Variants in SVOPL observed in about 807,000 individuals in gnomAD.
The protein encoded by SVOPL is putative transporter SVOPL.
A neutral mutation model predicts 61.0 loss-of-function variants in SVOPL; 60 were observed. That is an observed-to-expected ratio of 0.98 (90% CI 0.80 to 1.22). The LOEUF (loss-of-function observed/expected upper bound fraction) is 1.22, where lower values mean the gene tolerates loss of function less well. Among genes scored for constraint, SVOPL ranks in the 50% most tolerant of loss-of-function variants. SVOPL has a pLI of 0.00. For missense variants in SVOPL, 662 were observed against 643.9 expected (o/e 1.03, Z -0.30); for synonymous variants, 279 against 250.0 (o/e 1.12, Z -1.09).
intron 3 of SVOPL, among the ~76,000 whole-genome samples, chr7:138,674,486 T>C (rs1324065306): frequency 6.6e-6 from 1 of 151,850 alleles, no homozygotes; most frequent in Non-Finnish European, 1.5e-5. Flanking sequence ...AGTTCTGTCT[T>C]CCTTTGTGAG....
At chr7:138,634,183 T>C (rs755702109) in intron 9 of SVOPL, among the ~76,000 whole-genome samples, 1 of 152,194 alleles carries the variant, frequency 6.6e-6, no homozygotes, top group Non-Finnish European at 1.5e-5. Flanking sequence ...TCTATTATCC[T>C]TGGATCCTGT....
At chr7:138,682,968 C>CAAAAAAAAAAAAA (rs762982090) in intron 1 of SVOPL, among the ~76,000 whole-genome samples, 1 of 95,402 alleles carries the variant, frequency 1.0e-5, no homozygotes, top group Non-Finnish European at 2.2e-5. Context: ...AACTCCATCT[C>CAAAAAAAAAAAAA]AAAAAAAAAA....
chr7:138,602,473 A>G lies in SVOPL; in HGVS notation c.1354-5943T>C, dbSNP rs1420240406. ...TATATATATATATATATATATATAT[A>G]TATGTAGATGTGTGTGTTTATACAC... On this transcript the variant is annotated intron_variant, in intron 14 of 15. Coordinates refer to ENST00000674285, the MANE Select transcript of SVOPL (RefSeq NM_001139456.2). 1.7e-5 allele frequency among the ~76,000 whole-genome samples: 2 copies of G among 119,970 alleles called. 1 individual carries two copies. Among genetic ancestry groups the G allele is most frequent in the Admixed American group, 1.7e-4 (2 of 12,076 alleles). The allele number at this position is 119,970 out of a possible 152,430, so 78.7% of individuals were successfully genotyped here. A position where few individuals can be genotyped will look rare whatever the true frequency, so the allele number is the denominator to read the frequency against.
At chr7:138,639,206 G>A (rs1173728146) in intron 9 of SVOPL, among the ~76,000 whole-genome samples, 1 of 151,860 alleles carries the variant, frequency 6.6e-6, no homozygotes, top group African/African-American at 2.4e-5. Context: ...AGTGAGCTGA[G>A]ATCCCATCAC....
chr7:138,605,221 G>C (rs551205296), intron 14 of SVOPL, among the ~76,000 whole-genome samples: 2 of 144,848 alleles, frequency 1.4e-5, no homozygotes, highest in South Asian at 2.2e-4. Flanking sequence ...ATAAAACTAA[G>C]AGAAACAACC....
chr7:138,689,506 A>C, intron 1 of SVOPL: 1 of 720,834 alleles, frequency 1.4e-6, no homozygotes, highest in Non-Finnish European at 2.4e-6. Flanking sequence ...AAGAAACAAA[A>C]ACTTATGACA....
chr7:138,678,861 T>G (rs1186805017), intron 2 of SVOPL, 103 bp downstream of exon 2: 2 of 1,204,834 alleles, frequency 1.7e-6, no homozygotes, highest in African/African-American at 3.1e-5. Flanking sequence ...TGAGCCACCA[T>G]GCCTGGCTGC....
chr7:138,676,597 A>C (rs975479708), intron 3 of SVOPL, among the ~76,000 whole-genome samples: 3 of 151,936 alleles, frequency 2.0e-5, no homozygotes, highest in Non-Finnish European at 4.4e-5. Flanking sequence ...TGGAAGGGAC[A>C]CATTCAAACC....
rs1563078144 is a variant in SVOPL at position 138,599,152 on chromosome 7, A to AG, written c.1354-2623_1354-2622insC. On this transcript the variant is annotated intron_variant, in intron 14 of 15. Transcript: ENST00000674285. The stretch of plus-strand genomic sequence containing the variant: ...GTGAGATCCGTCTCCAAAAAAAAAA[A>AG]AAAAACCAAAAAAAAAAGAAATACA... Among the ~76,000 whole-genome samples, 332 of 55,046 alleles carry AG rather than the reference A, an allele frequency of 6.0e-3. 20 individuals carry two copies. Among genetic ancestry groups the AG allele is most frequent in the African/African-American group, 0.052 (315 of 6,010 alleles). 36.1% of individuals were successfully genotyped at this position (55,046 alleles called of 152,430 possible). A position where few individuals can be genotyped will look rare whatever the true frequency, so the allele number is the denominator to read the frequency against.
chr7:138,649,418 C>T (rs1409040890), intron 7 of SVOPL, among the ~76,000 whole-genome samples: 3 of 151,862 alleles, frequency 2.0e-5, no homozygotes, highest in African/African-American at 7.2e-5. Context: ...CTCAGCCTCC[C>T]GAGTAGCTGG....
chr7:138,663,130 A>G lies in SVOPL; in HGVS notation c.289T>C (p.Tyr97His), dbSNP rs1382597136. ...CCAAAGAGGATACTGAAAACCATGT[A>G]GCCAAAAAACACCATCTGCAAGTGG... Reference protein sequence around the residue: ...ALVTTMVFFGYMVFSILFGLL... With the variant: ...ALVTTMVFFGHMVFSILFGLL... The change falls in exon 5 of 16, where the codon TAC (tyrosine) becomes CAC (histidine). Residue 97 changes from tyrosine (Y) to histidine (H), a missense_variant. By Grantham distance (83) the Tyr-to-His change is moderately conservative. Transcript: ENST00000674285. 1.9e-6 allele frequency: 3 copies of G among 1,614,068 alleles called. No homozygotes were observed. The highest frequency in any genetic ancestry group is 2.2e-5 in the South Asian group (2 of 91,004).
chr7:138,637,995 C>T (rs1235362509), intron 9 of SVOPL, among the ~76,000 whole-genome samples: 5 of 151,816 alleles, frequency 3.3e-5, no homozygotes, highest in Admixed American at 6.6e-5. Flanking sequence ...ACAAATTGGC[C>T]GGGTGTTGTG....
At chr7:138,616,130 C>T (rs1487849750) in intron 14 of SVOPL, among the ~76,000 whole-genome samples, 5 of 152,206 alleles carry the variant, frequency 3.3e-5, no homozygotes, top group Admixed American at 1.3e-4. Flanking sequence ...TCTTGAACTT[C>T]AAGCCTCCAG....
At chr7:138,597,451 G>A (rs1462388514) in intron 14 of SVOPL, among the ~76,000 whole-genome samples, 2 of 152,038 alleles carry the variant, frequency 1.3e-5, no homozygotes, top group Admixed American at 6.6e-5. Flanking sequence ...ATTTGGGAGC[G>A]TACCTCCTGT....
chr7:138,666,219 G>A (rs899869592), intron 4 of SVOPL, among the ~76,000 whole-genome samples: 8 of 152,250 alleles, frequency 5.3e-5, no homozygotes, highest in Admixed American at 1.3e-4. Context: ...GCCACGGTTC[G>A]CCATGGCACA....
At position 138,642,287 on chromosome 7, in the gene SVOPL, C is replaced by CAA. The variant is rs79469915; in HGVS notation, c.789+2428_789+2429dup. Among the ~76,000 whole-genome samples the CAA allele has an allele frequency of 1.3e-3, 144 of 111,636 alleles. 1 individual carries two copies. Among genetic ancestry groups the CAA allele is most frequent in the East Asian group, 6.3e-3 (24 of 3,834 alleles). The allele number at this position is 111,636 out of a possible 152,430, so 73.2% of individuals were successfully genotyped here. ...CAAAGAAAATAAAACGGAAATTAGC[C>CAA]AAAAAAAAAAAAAAAAAAATCAATA... On this transcript the variant is annotated intron_variant, in intron 9 of 15. Coordinates refer to ENST00000674285, the MANE Select transcript of SVOPL (RefSeq NM_001139456.2).
At chr7:138,596,969 G>C in intron 14 of SVOPL, 1 of 1,118,460 alleles carries the variant, frequency 8.9e-7, no homozygotes, top group Middle Eastern at 2.5e-4. Context: ...GTTTTTTTTG[G>C]AAGAGGTGTT....
intron 9 of SVOPL, among the ~76,000 whole-genome samples, chr7:138,640,171 A>C (rs1359133968): frequency 1.3e-5 from 2 of 152,164 alleles, no homozygotes; most frequent in Non-Finnish European, 2.9e-5. Flanking sequence ...AACATGAGAG[A>C]AAATAGAATT....
rs139982599 is a variant in SVOPL at position 138,613,077 on chromosome 7, C to T, written c.1353+7969G>A. On this transcript the variant is annotated intron_variant, in intron 14 of 15. Transcript: ENST00000674285. The stretch of plus-strand genomic sequence containing the variant: ...CTCTGTCAGCCAGGCTGGAGTGCAG[C>T]GGCACAATCCTGGCTCACTGTCACC... Among the ~76,000 whole-genome samples, 1,058 of 151,854 alleles carry T rather than the reference C, an allele frequency of 7.0e-3. 20 individuals are homozygous for T. Among genetic ancestry groups the T allele is most frequent in the African/African-American group, 0.024 (988 of 41,400 alleles).
Sources: allele counts gnomAD v4.1 joint callset (sites outside exome capture counted in the v4.1 genomes callset), GRCh38; gene constraint gnomAD v4.1.1; transcripts MANE v1.5; gene names NCBI Gene and HGNC (gene_info 2026-07-23, HGNC 2026-07-21).